The following EMCN variants were observed in gnomAD, a reference collection of about 807,000 sequenced individuals.
EMCN encodes MUC-14.
A neutral mutation model predicts 38.4 loss-of-function variants in EMCN; 37 were observed. The ratio of observed to expected loss-of-function variants is 0.96; its 90% CI spans 0.74 to 1.27. The LOEUF is 1.27. EMCN is among the 50% of genes most tolerant of loss of function. EMCN has a pLI of 0.00. For missense variants in EMCN, 318 were observed against 302.8 expected, an observed-to-expected ratio of 1.05 and a Z score of -0.37; for synonymous variants, 95 against 100.8, an observed-to-expected ratio of 0.94 and a Z score of 0.35.
intron 3 of EMCN, among the ~76,000 whole-genome samples, chr4:100,466,324 A>G (rs1458152000): frequency 2.0e-5 from 3 of 152,214 alleles, no homozygotes; most frequent in African/African-American, 7.2e-5. Flanking sequence ...ATGAGGGGAA[A>G]GCAGTTTAGT....
At chr4:100,508,714 G>T (rs1246463854) in intron 1 of EMCN, among the ~76,000 whole-genome samples, 2 of 152,146 alleles carry the variant, frequency 1.3e-5, no homozygotes, top group African/African-American at 4.8e-5. Flanking sequence ...AAATGGTTCA[G>T]AATTACCTGA....
At chr4:100,491,607 C>A (rs1380694081) in intron 1 of EMCN, among the ~76,000 whole-genome samples, 1 of 152,184 alleles carries the variant, frequency 6.6e-6, no homozygotes, top group African/African-American at 2.4e-5. Flanking sequence ...CTTAGGGCCC[C>A]TTCAGCAACC....
At chr4:100,471,450 A>T (rs545151232) in intron 3 of EMCN, among the ~76,000 whole-genome samples, 4 of 151,932 alleles carry the variant, frequency 2.6e-5, no homozygotes, top group Non-Finnish European at 5.9e-5. Context: ...TTAGTATTTT[A>T]AAAAAATTTC....
At chr4:100,405,719 T>C (rs1298020052) in intron 11 of EMCN, among the ~76,000 whole-genome samples, 4 of 152,106 alleles carry the variant, frequency 2.6e-5, no homozygotes, top group Non-Finnish European at 5.9e-5. Flanking sequence ...TTTCATGATA[T>C]CAGTGTGATG....
Position 100,473,365 on chromosome 4 carries a change from G to GTTTTTTTTTTTTTTTTTTTTT in EMCN, c.259+1672_259+1673insAAAAAAAAAAAAAAAAAAAAA. On this transcript the variant is annotated intron_variant, in intron 3 of 11. Coordinates refer to ENST00000296420, the MANE Select transcript of EMCN (RefSeq NM_016242.4). ...TTCTAATGGGCATTTCCCGTTTCGT[G>GTTTTTTTTTTTTTTTTTTTTT]TTTTTTTGTTTTTTTTTTTTGTTTT... 7.4e-4 allele frequency among the ~76,000 whole-genome samples: 22 copies of GTTTTTTTTTTTTTTTTTTTTT among 29,874 alleles called. 6 individuals are homozygous for GTTTTTTTTTTTTTTTTTTTTT. The highest frequency in any genetic ancestry group is 1.2e-3 in the Non-Finnish European group (14 of 11,966). The allele number at this position is 29,874 out of a possible 152,430, so 19.6% of individuals were successfully genotyped here. A position where few individuals can be genotyped will look rare whatever the true frequency, so the allele number is the denominator to read the frequency against.
chr4:100,428,413 C>A (rs1488684306), intron 5 of EMCN, among the ~76,000 whole-genome samples: 1 of 152,076 alleles, frequency 6.6e-6, no homozygotes, highest in Non-Finnish European at 1.5e-5. Flanking sequence ...GCTTGTGATC[C>A]CTTCCTCCTC....
At chr4:100,489,045 C>A (rs1432555724) in intron 1 of EMCN, among the ~76,000 whole-genome samples, 1 of 152,122 alleles carries the variant, frequency 6.6e-6, no homozygotes, top group Non-Finnish European at 1.5e-5. Flanking sequence ...GTTGAACAGG[C>A]ACTACTTGTA....
chr4:100,467,162 A>G (rs1728339283), intron 3 of EMCN, among the ~76,000 whole-genome samples: 1 of 152,214 alleles, frequency 6.6e-6, no homozygotes, highest in African/African-American at 2.4e-5. Context: ...CACTCAATGT[A>G]GGACAGGTTG....
intron 5 of EMCN, among the ~76,000 whole-genome samples, chr4:100,443,364 C>G (rs1727575922): frequency 6.6e-6 from 1 of 152,154 alleles, no homozygotes; most frequent in African/African-American, 2.4e-5. Flanking sequence ...CTGAGGCTGC[C>G]AGTTGGGCAG....
Position 100,473,365 on chromosome 4 carries a change from G to GTTTTTTTTTTTTTT in EMCN, c.259+1672_259+1673insAAAAAAAAAAAAAA. On this transcript the variant is annotated intron_variant, in intron 3 of 11. Transcript: ENST00000296420. Reference sequence around the variant, plus strand: ...TTCTAATGGGCATTTCCCGTTTCGTGTTTTTTTGTTTTTTTTTTTTGTTTT... The same window carrying GTTTTTTTTTTTTTT: ...TTCTAATGGGCATTTCCCGTTTCGTGTTTTTTTTTTTTTTTTTTTTTGTTTTTTTTTTTTGTTTT... Among the ~76,000 whole-genome samples the GTTTTTTTTTTTTTT allele has an allele frequency of 4.8e-3, 143 of 29,856 alleles. 26 individuals are homozygous for GTTTTTTTTTTTTTT. Among genetic ancestry groups the GTTTTTTTTTTTTTT allele is most frequent in the Middle Eastern group, 0.05 (1 of 20 alleles). The allele number at this position is 29,856 out of a possible 152,430, so 19.6% of individuals were successfully genotyped here.
chr4:100,408,862 A>G (rs1174478717), intron 11 of EMCN, among the ~76,000 whole-genome samples: 2 of 152,200 alleles, frequency 1.3e-5, no homozygotes, highest in Admixed American at 1.3e-4. Flanking sequence ...ATGACTGGTG[A>G]AGAGCAGGAG....
chr4:100,515,693 T>C (rs2110315294), intron 1 of EMCN, among the ~76,000 whole-genome samples: 1 of 152,238 alleles, frequency 6.6e-6, no homozygotes, highest in East Asian at 1.9e-4. Context: ...TCAACTTTGC[T>C]GATGAAATAT....
intron 1 of EMCN, among the ~76,000 whole-genome samples, chr4:100,494,923 C>A (rs1729172827): frequency 6.6e-6 from 1 of 151,786 alleles, no homozygotes; most frequent in African/African-American, 2.4e-5. Context: ...CCTCCCATCA[C>A]CTACCAAGAT....
chr4:100,446,911 A>T (rs1011476431), intron 5 of EMCN, among the ~76,000 whole-genome samples: 1 of 152,142 alleles, frequency 6.6e-6, no homozygotes, highest in African/African-American at 2.4e-5. Context: ...CCAGCACTGA[A>T]AGCTTATGAG....
At chr4:100,495,380 T>G (rs1729184189) in intron 1 of EMCN, among the ~76,000 whole-genome samples, 1 of 152,106 alleles carries the variant, frequency 6.6e-6, no homozygotes, top group South Asian at 2.1e-4. Context: ...TATGGCAGGA[T>G]AATCAGAACA....
intron 1 of EMCN, among the ~76,000 whole-genome samples, chr4:100,509,448 G>T (rs563819882): frequency 6.6e-6 from 1 of 152,280 alleles, no homozygotes; most frequent in African/African-American, 2.4e-5. Flanking sequence ...AACTGGGTTT[G>T]CAGAGAGAGA....
chr4:100,470,375 T>C (rs1174092960), intron 3 of EMCN, among the ~76,000 whole-genome samples: 5 of 42,970 alleles, frequency 1.2e-4, no homozygotes, highest in Non-Finnish European at 3.1e-4. Flanking sequence ...ATTACTAAAA[T>C]GTTAAAAAAA....
intron 2 of EMCN, among the ~76,000 whole-genome samples, chr4:100,477,285 T>G (rs1205919668): frequency 1.3e-5 from 2 of 152,152 alleles, no homozygotes; most frequent in Non-Finnish European, 2.9e-5. Flanking sequence ...TTCAAGTTTC[T>G]TTTTTATCCT....
intron 4 of EMCN, among the ~76,000 whole-genome samples, chr4:100,461,282 C>T (rs573187065): frequency 1.3e-5 from 2 of 152,174 alleles, no homozygotes; most frequent in African/African-American, 2.4e-5. Context: ...TCTTTGAACA[C>T]CTTATGAAAA....
Sources: allele counts gnomAD v4.1 joint callset (sites outside exome capture counted in the v4.1 genomes callset), GRCh38; gene constraint gnomAD v4.1.1; transcripts MANE v1.5; gene names NCBI Gene and HGNC (gene_info 2026-07-23, HGNC 2026-07-21).